Variants in COLEC12 observed in about 807,000 individuals in gnomAD.
COLEC12 encodes the protein collectin-12.
COLEC12 carries 33 observed loss-of-function variants against 71.1 expected under a neutral mutation model. The observed-to-expected ratio is 0.46, with a 90% CI of 0.35 to 0.62. The LOEUF is 0.62. Among genes scored for constraint, COLEC12 ranks in the 20% least tolerant of loss-of-function variants. COLEC12 has a pLI of 0.00. For missense variants in COLEC12, 765 were observed against 916.1 expected (o/e 0.84, Z 2.13); for synonymous variants, 350 against 353.0 (o/e 0.99, Z 0.10).
At position 494,771 on chromosome 18, in the gene COLEC12, G is replaced by A. The variant is rs538129272; in HGVS notation, c.7+5737C>T. Among the ~76,000 whole-genome samples the A allele has an allele frequency of 5.3e-5, 8 of 152,282 alleles. No individual in the cohort carries two copies. In the East Asian group the frequency reaches 1.5e-3, roughly 29 times the overall value. On this transcript the variant is annotated intron_variant, in intron 1 of 9. Transcript: ENST00000400256. ...AAATGACTGGGGCAAAAGAAATGTG[G>A]CTTCTTCCACAGAGCCAGAGACAAG...
Position 480,713 on chromosome 18 carries a change from G to A in COLEC12, c.52C>T (p.Arg18Trp), listed in dbSNP as rs754847272. ...CAGCTTTGTTAGGACTCACCAAACC[G>A]CTTGTAACCGAAGGATTGCACCTCC... ...EEEVQSFGYK[R>W]FGIQEGTQCT... The change falls in exon 2 of 10, where the codon CGG becomes TGG. Residue 18 changes from arginine (R) to tryptophan (W), a missense_variant. Arg to Trp is a moderately radical substitution (Grantham distance 101). Transcript: ENST00000400256. This position sits in a 1 kb window ranked among gnomAD's most constrained non-coding sequence, Gnocchi z 4.1. 10 of 1,613,780 alleles carry A rather than the reference G, an allele frequency of 6.2e-6. No homozygotes were observed. The highest frequency in any genetic ancestry group is 8.5e-6 in the Non-Finnish European group (10 of 1,179,826).
intron 1 of COLEC12, among the ~76,000 whole-genome samples, chr18:496,672 C>T (rs560229620): frequency 1.2e-3 from 176 of 152,152 alleles, no homozygotes; most frequent in Non-Finnish European, 2.0e-3. Context: ...ATATTATTGC[C>T]AAACTGTATT....
chr18:367,272 G>A (rs930027961), intron 2 of COLEC12, among the ~76,000 whole-genome samples: 3 of 152,164 alleles, frequency 2.0e-5, no homozygotes, highest in African/African-American at 4.8e-5. Context: ...GTTTGTCAAC[G>A]ACACAGTGTC....
At chr18:396,346 T>C (rs985904325) in intron 2 of COLEC12, among the ~76,000 whole-genome samples, 2 of 152,186 alleles carry the variant, frequency 1.3e-5, no homozygotes, top group African/African-American at 4.8e-5. Flanking sequence ...AGCCTGGTAA[T>C]TGCAAACATT....
chr18:377,311 C>T (rs896138540), intron 2 of COLEC12, among the ~76,000 whole-genome samples: 60 of 152,352 alleles, frequency 3.9e-4, no homozygotes, highest in African/African-American at 1.3e-3. Flanking sequence ...ATGATGCTCC[C>T]GGCACGTGTG....
intron 2 of COLEC12, among the ~76,000 whole-genome samples, chr18:372,124 A>C (rs555803642): frequency 6.6e-6 from 1 of 152,198 alleles, no homozygotes; most frequent in South Asian, 2.1e-4. Flanking sequence ...ACCTCCCCCC[A>C]TTCAGGGACA....
intron 8 of COLEC12, among the ~76,000 whole-genome samples, chr18:323,954 T>A (rs1204332550): frequency 6.6e-6 from 1 of 152,170 alleles, no homozygotes; most frequent in African/African-American, 2.4e-5. Flanking sequence ...TTATCGCCTT[T>A]CTCCATTTGT....
rs149595114 is a variant in COLEC12 at position 399,600 on chromosome 18, G to A, written c.59-42078C>T. Among the ~76,000 whole-genome samples, 11 of 152,354 alleles carry A rather than the reference G, an allele frequency of 7.2e-5. No homozygotes were observed. The East Asian group carries it at 1.3e-3, about 19-fold the overall frequency. On this transcript the variant is annotated intron_variant, in intron 2 of 9. Transcript: ENST00000400256. This position sits in a 1 kb window ranked among gnomAD's most constrained non-coding sequence, Gnocchi z 4.0. ...GTCTCCACCCTCATCTGAAGCTTTTGTCTAAGTCTCCCTGGCAGGTTATTT... is the reference window on the plus strand; with the variant it reads ...GTCTCCACCCTCATCTGAAGCTTTTATCTAAGTCTCCCTGGCAGGTTATTT...
At chr18:437,727 T>C (rs1916434816) in intron 2 of COLEC12, among the ~76,000 whole-genome samples, 1 of 152,244 alleles carries the variant, frequency 6.6e-6, no homozygotes, top group Non-Finnish European at 1.5e-5. Context: ...AAATGAAAAG[T>C]CTTTGGAGAA....
chr18:330,099 C>T (rs1913938085), intron 8 of COLEC12, among the ~76,000 whole-genome samples: 1 of 152,090 alleles, frequency 6.6e-6, no homozygotes, highest in Admixed American at 6.5e-5. Context: ...CAAATAAAAA[C>T]AAAAGAGAGA....
At chr18:374,409 A>G (rs956554620) in intron 2 of COLEC12, among the ~76,000 whole-genome samples, 9 of 151,980 alleles carry the variant, frequency 5.9e-5, no homozygotes, top group African/African-American at 2.2e-4. Context: ...TATGACCTGC[A>G]ATTGCAATCA....
intron 3 of COLEC12, among the ~76,000 whole-genome samples, chr18:354,983 C>G (rs1375450746): frequency 6.6e-6 from 1 of 152,088 alleles, no homozygotes; most frequent in Non-Finnish European, 1.5e-5. Flanking sequence ...TTAGAGGTCC[C>G]TGAGCATCTG....
At chr18:466,890 G>T (rs117003833) in intron 2 of COLEC12, among the ~76,000 whole-genome samples, 1 of 152,070 alleles carries the variant, frequency 6.6e-6, no homozygotes, top group Non-Finnish European at 1.5e-5. Context: ...ACTTCCTACC[G>T]TGTCCAGCCC....
At chr18:402,480 C>T (rs1915707272) in intron 2 of COLEC12, among the ~76,000 whole-genome samples, 1 of 151,984 alleles carries the variant, frequency 6.6e-6, no homozygotes, top group South Asian at 2.1e-4. Context: ...AACGGCAACA[C>T]AACAGTATGA....
chr18:442,002 T>TACACACACACACACACACACACAC (rs56024245), intron 2 of COLEC12, among the ~76,000 whole-genome samples: 1 of 120,744 alleles, frequency 8.3e-6, no homozygotes, highest in African/African-American at 3.9e-5. Context: ...TCTCTCTCTC[T>TACACACACACACACACACACACAC]ACACACACAC....
At chr18:365,930 C>G (rs12457415) in intron 2 of COLEC12, among the ~76,000 whole-genome samples, 35,884 of 151,964 alleles carry the variant, frequency 0.24, 4,331 homozygotes, top group South Asian at 0.35. Flanking sequence ...CTACTCCCCC[C>G]ACCCCAAGTT....
rs1914365411 is a variant in COLEC12 at position 346,171 on chromosome 18, A to C, written c.1327+124T>G. 3 of 724,490 alleles carry C rather than the reference A, an allele frequency of 4.1e-6. No individual in the cohort carries two copies. Among genetic ancestry groups the C allele is most frequent in the Non-Finnish European group, 6.7e-6 (3 of 446,276 alleles). 44.9% of individuals were successfully genotyped at this position (724,490 alleles called of 1,614,324 possible). ...GACCATCTAGCTAAGCTGCTCTTGA[A>C]TTCCTGGTCCACAAAAACTATGAGA... On this transcript the variant is annotated intron_variant, in intron 5 of 9. Transcript: ENST00000400256. The surrounding 1 kb of genome is among the most constrained non-coding windows in gnomAD (Gnocchi z 4.0).
chr18:341,864 G>A (rs1301491098), intron 5 of COLEC12, among the ~76,000 whole-genome samples: 4 of 152,142 alleles, frequency 2.6e-5, no homozygotes, highest in Non-Finnish European at 5.9e-5. Context: ...TAAATCTGAT[G>A]ACTCTCGGAA....
chr18:355,516 A>G (rs1914612637), intron 3 of COLEC12, among the ~76,000 whole-genome samples: 1 of 152,222 alleles, frequency 6.6e-6, no homozygotes, highest in Non-Finnish European at 1.5e-5. Flanking sequence ...GAAAGGAGAA[A>G]AAAAGCCTCT....
Sources: gnomAD v4.1 joint callset for allele counts (sites outside exome capture counted in the v4.1 genomes callset) on GRCh38, gnomAD v4.1.1 for gene constraint, Gnocchi (gnomAD v3.1) non-coding constraint, MANE v1.5 for transcripts, NCBI Gene and HGNC (gene_info 2026-07-23, HGNC 2026-07-21) for gene names.